The following PDE12 variants were observed in gnomAD, a reference collection of about 807,000 sequenced individuals.
PDE12 encodes the protein 2',5'-phosphodiesterase 12.
In PDE12, 26 loss-of-function variants were observed where a neutral mutation model predicts 45.4. That is an observed-to-expected ratio of 0.57 (90% CI 0.42 to 0.79). The LOEUF (loss-of-function observed/expected upper bound fraction) is 0.79, where lower values mean the gene tolerates loss of function less well. PDE12 is among the 30% of genes least tolerant of loss of function. The pLI, the probability that PDE12 is intolerant of heterozygous loss-of-function variation, is 0.00. For synonymous variants in PDE12, 283 were observed against 323.9 expected, an observed-to-expected ratio of 0.87 and a Z score of 1.36; for missense variants, 668 against 790.0, an observed-to-expected ratio of 0.85 and a Z score of 1.85.
chr3:57,596,281 G>A, the PDE12 span, among the ~76,000 whole-genome samples: 1 of 152,166 alleles, frequency 6.6e-6, no homozygotes, highest in South Asian at 2.1e-4. Context: ...TCAGTTACTT[G>A]AAAATTTATC....
downstream of PDE12, among the ~76,000 whole-genome samples, chr3:57,567,888 G>A (rs1434332350): frequency 1.3e-5 from 2 of 151,910 alleles, no homozygotes; most frequent in Admixed American, 1.3e-4. Flanking sequence ...CCAACATGGT[G>A]AAACCCCATC....
the PDE12 span, among the ~76,000 whole-genome samples, chr3:57,603,857 G>A: frequency 2.0e-5 from 3 of 151,926 alleles, no homozygotes; most frequent in South Asian, 6.3e-4. Context: ...CCTGACCTCA[G>A]GTGATCCACC....
chr3:57,613,496 C>G, the PDE12 span, among the ~76,000 whole-genome samples: 2 of 151,286 alleles, frequency 1.3e-5, no homozygotes, highest in Non-Finnish European at 2.9e-5. Context: ...GTTTCACCAT[C>G]TTGGTCAGGC....
the PDE12 span, among the ~76,000 whole-genome samples, chr3:57,640,595 G>C: frequency 6.6e-6 from 1 of 152,052 alleles, no homozygotes; most frequent in South Asian, 2.1e-4. Flanking sequence ...GATAAATGTA[G>C]TACATTATAA....
the PDE12 span, among the ~76,000 whole-genome samples, chr3:57,625,182 G>C: frequency 6.6e-6 from 1 of 152,150 alleles, no homozygotes; most frequent in South Asian, 2.1e-4. Flanking sequence ...TGAGATTACA[G>C]GTATGAGCCA....
At chr3:57,569,969 C>G (rs926284838), downstream of PDE12, among the ~76,000 whole-genome samples, 1 of 152,078 alleles carries the variant, frequency 6.6e-6, no homozygotes, top group African/African-American at 2.4e-5. Context: ...ATACCTAGCC[C>G]TAACGCTGAA....
downstream of PDE12, among the ~76,000 whole-genome samples, chr3:57,570,232 TTTTTTTTG>T (rs1281074911): frequency 7.5e-5 from 11 of 146,024 alleles, no homozygotes; most frequent in Non-Finnish European, 1.1e-4. Flanking sequence ...TTTTTTTTTT[TTTTTTTTG>T]GAGACAGAGT....
the PDE12 span, among the ~76,000 whole-genome samples, chr3:57,575,147 G>C: frequency 6.8e-6 from 1 of 148,004 alleles, no homozygotes; most frequent in Non-Finnish European, 1.5e-5. Flanking sequence ...ACCGCACCCA[G>C]CCCCCCATCT....
At chr3:57,642,730 C>T in the PDE12 span, among the ~76,000 whole-genome samples, 6 of 151,998 alleles carry the variant, frequency 3.9e-5, no homozygotes, top group Non-Finnish European at 4.4e-5. Context: ...ATCGGCCAGG[C>T]GCGGTGGCTC....
At chr3:57,600,747 G>A in the PDE12 span, 1 of 152,000 alleles carries the variant, frequency 6.6e-6, no homozygotes, top group Non-Finnish European at 1.5e-5. Context: ...TTCTAGGTCA[G>A]GCATGGTGGC....
At chr3:57,606,460 C>G in the PDE12 span, among the ~76,000 whole-genome samples, 4 of 152,102 alleles carry the variant, frequency 2.6e-5, no homozygotes, top group Admixed American at 6.5e-5. Flanking sequence ...GACAGTAAAC[C>G]TATACTACCA....
chr3:57,655,183 C>T, the PDE12 span, among the ~76,000 whole-genome samples: 1,991 of 152,144 alleles, frequency 0.013, 48 homozygotes, highest in African/African-American at 0.045. Context: ...ACAGGCGGCC[C>T]GCCACCATGC....
chr3:57,634,474 G>T, the PDE12 span: 16 of 615,482 alleles, frequency 2.6e-5, no homozygotes, highest in Non-Finnish European at 3.7e-5. Flanking sequence ...TTTCACATTA[G>T]TATACATAAA....
At chr3:57,558,041 A>G (rs1293838068) in intron 1 of PDE12, among the ~76,000 whole-genome samples, 1 of 152,220 alleles carries the variant, frequency 6.6e-6, no homozygotes, top group Non-Finnish European at 1.5e-5. Context: ...CTTAAAATTT[A>G]AGAGCGTGGT....
the PDE12 span, chr3:57,641,785 G>A: frequency 6.6e-7 from 1 of 1,520,528 alleles, no homozygotes; most frequent in East Asian, 2.3e-5. Context: ...AAAAAGGTGA[G>A]AAAAAGATGA....
the PDE12 span, among the ~76,000 whole-genome samples, chr3:57,604,630 T>TG: frequency 4.7e-5 from 1 of 21,212 alleles, no homozygotes; most frequent in African/African-American, 3.0e-4. Context: ...GGGGGGTGGG[T>TG]GGGACAGAGT....
the PDE12 span, among the ~76,000 whole-genome samples, chr3:57,622,728 A>G: frequency 4.6e-5 from 7 of 152,228 alleles, no homozygotes; most frequent in Non-Finnish European, 8.8e-5. Context: ...TTATACCCAT[A>G]TAACAAAATA....
the PDE12 span, among the ~76,000 whole-genome samples, chr3:57,599,593 G>A: frequency 6.6e-6 from 1 of 152,112 alleles, no homozygotes; most frequent in Non-Finnish European, 1.5e-5. Context: ...AAAGAATTCT[G>A]TTCTCCATCT....
At chr3:57,581,743 T>A in the PDE12 span, among the ~76,000 whole-genome samples, 3 of 152,104 alleles carry the variant, frequency 2.0e-5, no homozygotes, top group Admixed American at 6.6e-5. Context: ...GAGGTTGCAG[T>A]GAGCCAAGAT....
Sources: gnomAD v4.1 joint callset for allele counts (sites outside exome capture counted in the v4.1 genomes callset) on GRCh38, gnomAD v4.1.1 for gene constraint, MANE v1.5 for transcripts, NCBI Gene and HGNC (gene_info 2026-07-23, HGNC 2026-07-21) for gene names.